SLCO1B1: variants seen among roughly 807,000 people sequenced by gnomAD.
SLCO1B1 encodes the protein OATP-2.
SLCO1B1 carries 81 observed loss-of-function variants against 70.1 expected under a neutral mutation model. That is an observed-to-expected ratio of 1.16 (90% confidence interval 0.97 to 1.39). The LOEUF (loss-of-function observed/expected upper bound fraction) is 1.39, where lower values mean the gene tolerates loss of function less well. SLCO1B1 is among the 40% of genes most tolerant of loss of function. The pLI is 0.00. For synonymous variants in SLCO1B1, 283 were observed against 271.5 expected, an observed-to-expected ratio of 1.04 and a Z score of -0.42; for missense variants, 895 against 799.6, an observed-to-expected ratio of 1.12 and a Z score of -1.44.
At position 21,185,913 on chromosome 12, in the gene SLCO1B1, TA is replaced by T. The variant is rs565866412; in HGVS notation, c.727+6894del. On this transcript the variant is annotated intron_variant, in intron 7 of 14. Transcript: ENST00000256958. ...CATTACAACTCCCATAGAAATGCAT[TA>T]CAAATGCCCCTCTGCACACAAATTA... Among the ~76,000 whole-genome samples, 61 of 152,092 alleles carry T rather than the reference TA, an allele frequency of 4.0e-4. No homozygotes were observed. The East Asian group carries it at 0.011, about 27-fold the overall frequency.
chr12:21,158,877 T>G (rs1195553210), intron 2 of SLCO1B1, among the ~76,000 whole-genome samples: 2 of 152,184 alleles, frequency 1.3e-5, no homozygotes, highest in African/African-American at 4.8e-5. Context: ...ACATAGAATT[T>G]TATTTGTCAA....
intron 11 of SLCO1B1, among the ~76,000 whole-genome samples, chr12:21,212,238 C>T (rs1380746693): frequency 2.0e-5 from 2 of 99,564 alleles, no homozygotes; most frequent in African/African-American, 7.8e-5. Context: ...GCTTTGAATG[C>T]GTCCCAGAGA....
At chr12:21,213,314 T>A (rs1941312486) in intron 11 of SLCO1B1, among the ~76,000 whole-genome samples, 1 of 152,046 alleles carries the variant, frequency 6.6e-6, no homozygotes, top group Non-Finnish European at 1.5e-5. Context: ...TATTTCTCCT[T>A]CGCTTATGAA....
intron 14 of SLCO1B1, among the ~76,000 whole-genome samples, chr12:21,233,675 AG>A (rs1437171564): frequency 1.3e-5 from 2 of 152,182 alleles, no homozygotes; most frequent in East Asian, 3.9e-4. Context: ...AGAAAGGAGG[AG>A]TTGGCAGTGC....
intron 7 of SLCO1B1, among the ~76,000 whole-genome samples, chr12:21,194,493 C>CA (rs1941069697): frequency 6.6e-6 from 1 of 151,914 alleles, no homozygotes; most frequent in African/African-American, 2.4e-5. Context: ...CTCTAGCTCC[C>CA]AATAACTGTC....
At position 21,196,837 on chromosome 12, in the gene SLCO1B1, G is replaced by C. The variant is rs755999056; in HGVS notation, c.728-109G>C. ...GACAAAAAATTAAAAGAAAAAAATC[G>C]TGTCTTGGAATTGAGGAAATGTAGT... On this transcript the variant is annotated intron_variant, in intron 7 of 14. Transcript: ENST00000256958. The C allele has an allele frequency of 1.5e-5, 17 of 1,132,904 alleles. No individual in the cohort carries two copies. The South Asian group carries it at 2.3e-4, about 15-fold the overall frequency. The allele number at this position is 1,132,904 out of a possible 1,614,324, so 70.2% of individuals were successfully genotyped here.
intron 2 of SLCO1B1, among the ~76,000 whole-genome samples, chr12:21,146,375 C>T (rs1268251604): frequency 1.3e-5 from 2 of 152,050 alleles, no homozygotes; most frequent in Non-Finnish European, 2.9e-5. Flanking sequence ...TTTTATTAAT[C>T]TTTCTAAAGA....
chr12:21,198,914 G>A (rs1336104449), intron 8 of SLCO1B1, among the ~76,000 whole-genome samples: 1 of 152,086 alleles, frequency 6.6e-6, no homozygotes, highest in Non-Finnish European at 1.5e-5. Context: ...TGCAACGCTT[G>A]TGTGAATGTA....
intron 7 of SLCO1B1, among the ~76,000 whole-genome samples, chr12:21,191,139 T>C (rs1591814987): frequency 6.6e-6 from 1 of 152,226 alleles, no homozygotes; most frequent in East Asian, 1.9e-4. Context: ...TGGTTCCATA[T>C]GTATTTTAGA....
In SLCO1B1 at chr12:21,177,223, A is replaced by G. The variant is rs368363312; in HGVS notation, c.481+326A>G. 1.1e-3 allele frequency among the ~76,000 whole-genome samples: 162 copies of G among 152,292 alleles called. 3 individuals are homozygous for G. In the South Asian group the frequency reaches 0.033, roughly 31 times the overall value. On this transcript the variant is annotated intron_variant, in intron 5 of 14. Transcript: ENST00000256958. ...AGTGTGCATGAATTTGAGAACACAC[A>G]GGCAGCCCTGTAACAAATTCCTTAA...
chr12:21,194,070 C>T (rs562636146), intron 7 of SLCO1B1, among the ~76,000 whole-genome samples: 10 of 152,268 alleles, frequency 6.6e-5, no homozygotes, highest in South Asian at 4.1e-4. Context: ...GGATTACAGG[C>T]GTGAGCCACC....
chr12:21,238,565 T>A (rs1322376839), intron 14 of SLCO1B1, among the ~76,000 whole-genome samples: 1 of 152,090 alleles, frequency 6.6e-6, no homozygotes, highest in Non-Finnish European at 1.5e-5. Context: ...TAAGCCTTTA[T>A]TAATATGGTG....
Position 21,141,616 on chromosome 12 carries a change from A to G in SLCO1B1, c.42A>G (p.Gln14=). Residue 14 remains glutamine, a synonymous_variant, in exon 2 of 15, where the codon CAA becomes CAG. Coordinates refer to ENST00000256958, the MANE Select transcript of SLCO1B1 (RefSeq NM_006446.5). Reference sequence around the variant, plus strand: ...ATTTGAATAAAACAGCAGAGGCACAACCTTCAGAGAATAAGAAAACAAGAT... The same window carrying G: ...ATTTGAATAAAACAGCAGAGGCACAGCCTTCAGAGAATAAGAAAACAAGAT... The part of the protein sequence containing the change: ...NQHLNKTAEA[Q]PSENKKTRYC... 6.2e-7 allele frequency: 1 copy of G among 1,609,196 alleles called. No individual in the cohort carries two copies. Among genetic ancestry groups the G allele is most frequent in the South Asian group, 1.1e-5 (1 of 90,738 alleles).
intron 13 of SLCO1B1, among the ~76,000 whole-genome samples, chr12:21,224,494 A>T (rs1941462993): frequency 6.6e-6 from 1 of 152,144 alleles, no homozygotes; most frequent in Non-Finnish European, 1.5e-5. Context: ...ATATGCATGT[A>T]TGTAGGGAGG....
chr12:21,228,444 C>T (rs1044617024), intron 14 of SLCO1B1, among the ~76,000 whole-genome samples: 222 of 152,142 alleles, frequency 1.5e-3, no homozygotes, highest in African/African-American at 5.2e-3. Flanking sequence ...AAGGTAACCT[C>T]ACTCCTCTGT....
At chr12:21,181,186 G>T (rs1159302912) in intron 7 of SLCO1B1, among the ~76,000 whole-genome samples, 1 of 152,144 alleles carries the variant, frequency 6.6e-6, no homozygotes, top group African/African-American at 2.4e-5. Flanking sequence ...AAGGACTTCT[G>T]ATTGGTTTCC....
intron 8 of SLCO1B1, among the ~76,000 whole-genome samples, chr12:21,198,320 A>G (rs979312242): frequency 6.6e-6 from 1 of 152,166 alleles, no homozygotes; most frequent in Non-Finnish European, 1.5e-5. Context: ...TACTACAAGT[A>G]GAAGTTTGTT....
At chr12:21,173,164 T>C (rs947744863) in intron 3 of SLCO1B1, among the ~76,000 whole-genome samples, 2 of 152,168 alleles carry the variant, frequency 1.3e-5, no homozygotes, top group African/African-American at 4.8e-5. Flanking sequence ...CTGTTATTCT[T>C]AAGGAGAAAG....
chr12:21,209,562 G>A (rs1941255082), intron 11 of SLCO1B1, among the ~76,000 whole-genome samples: 1 of 152,106 alleles, frequency 6.6e-6, no homozygotes, highest in Admixed American at 6.6e-5. Flanking sequence ...ACAGTCATTT[G>A]GGTATATACC....
Sources: allele counts gnomAD v4.1 joint callset (sites outside exome capture counted in the v4.1 genomes callset), GRCh38; gene constraint gnomAD v4.1.1; transcripts MANE v1.5; gene names NCBI Gene and HGNC (gene_info 2026-07-23, HGNC 2026-07-21).